Variants in STK32B observed in about 807,000 individuals in gnomAD.
The protein encoded by STK32B is serine/threonine-protein kinase 32B.
STK32B carries 43 observed loss-of-function variants against 52.6 expected under a neutral mutation model. The ratio of observed to expected loss-of-function variants is 0.82; its 90% CI spans 0.64 to 1.05. The LOEUF (loss-of-function observed/expected upper bound fraction) is 1.05. Ranked by LOEUF, STK32B falls within the 50% of genes least tolerant of loss-of-function variation. The probability of loss-of-function intolerance (pLI) is 0.00; values close to 1 mark genes in which losing one functional copy is unlikely to be tolerated. For synonymous variants in STK32B, 238 were observed against 204.3 expected, an observed-to-expected ratio of 1.17 and a Z score of -1.41; for missense variants, 621 against 534.6, an observed-to-expected ratio of 1.16 and a Z score of -1.59.
chr4:5,239,654 C>G (rs1232440905), intron 3 of STK32B, among the ~76,000 whole-genome samples: 1 of 152,050 alleles, frequency 6.6e-6, no homozygotes, highest in African/African-American at 2.4e-5. Context: ...CTCAGAAAGT[C>G]CAGAGGCATG....
intron 1 of STK32B, among the ~76,000 whole-genome samples, chr4:5,113,111 C>T (rs190939203): frequency 6.4e-4 from 97 of 152,152 alleles, no homozygotes; most frequent in Non-Finnish European, 3.7e-4. Context: ...AAACCTAATC[C>T]CCAATGTGAT....
chr4:5,118,782 C>G (rs1415946713), intron 1 of STK32B, among the ~76,000 whole-genome samples: 1 of 152,198 alleles, frequency 6.6e-6, no homozygotes. Flanking sequence ...CAGCACCGAT[C>G]CCATGTCTGA....
chr4:5,301,760 A>G (rs1241951693), intron 3 of STK32B, among the ~76,000 whole-genome samples: 2 of 91,608 alleles, frequency 2.2e-5, no homozygotes, highest in Admixed American at 9.9e-5. Flanking sequence ...TTTTTTTTTG[A>G]AAACTGTTAG....
chr4:5,492,803 C>G (rs1271619436), intron 11 of STK32B, among the ~76,000 whole-genome samples: 1 of 151,230 alleles, frequency 6.6e-6, no homozygotes, highest in Non-Finnish European at 1.5e-5. Context: ...TGAATTTTGT[C>G]AAAGGCCTTT....
chr4:5,495,323 A>G (rs1720128153), intron 11 of STK32B, among the ~76,000 whole-genome samples: 1 of 152,056 alleles, frequency 6.6e-6, no homozygotes, highest in Non-Finnish European at 1.5e-5. Context: ...CATTTCATTC[A>G]GTTCATGTTC....
chr4:5,220,599 G>A (rs1169491885), intron 3 of STK32B, among the ~76,000 whole-genome samples: 1 of 152,192 alleles, frequency 6.6e-6, no homozygotes, highest in African/African-American at 2.4e-5. Flanking sequence ...AATTGAGGCT[G>A]GAAAGGCAGG....
intron 1 of STK32B, among the ~76,000 whole-genome samples, chr4:5,090,917 T>TA (rs1713045467): frequency 6.6e-6 from 1 of 152,218 alleles, no homozygotes; most frequent in African/African-American, 2.4e-5. Flanking sequence ...TGCCAAAACT[T>TA]ATTTAAGGAC....
chr4:5,125,017 C>A (rs151017848), intron 1 of STK32B, among the ~76,000 whole-genome samples: 1 of 152,124 alleles, frequency 6.6e-6, no homozygotes, highest in South Asian at 2.1e-4. Flanking sequence ...AGATTTGAAG[C>A]GGAAGAGGGA....
chr4:5,347,277 G>A (rs980135658), intron 4 of STK32B, among the ~76,000 whole-genome samples: 3 of 152,204 alleles, frequency 2.0e-5, no homozygotes, highest in African/African-American at 7.2e-5. Context: ...CACCTTTGTT[G>A]TGAGTTCAGG....
chr4:5,031,985 T>C, the STK32B span, among the ~76,000 whole-genome samples: 2 of 152,212 alleles, frequency 1.3e-5, no homozygotes, highest in African/African-American at 4.8e-5. Flanking sequence ...ACTGTATGTT[T>C]TTTACCCTTT....
chr4:5,379,443 C>T (rs1219686857), intron 4 of STK32B, among the ~76,000 whole-genome samples: 1 of 152,108 alleles, frequency 6.6e-6, no homozygotes, highest in Non-Finnish European at 1.5e-5. Flanking sequence ...ACTCTGGTAC[C>T]CTACGGTCCA....
At chr4:5,179,721 TTTG>T (rs139073817) in intron 3 of STK32B, among the ~76,000 whole-genome samples, 3,800 of 152,310 alleles carry the variant, frequency 0.025, 155 homozygotes, top group African/African-American at 0.086. Flanking sequence ...CAGGAGTTAT[TTTG>T]TTATGAAGGA....
chr4:5,140,678 C>T (rs1481259096), intron 2 of STK32B, among the ~76,000 whole-genome samples: 1 of 152,174 alleles, frequency 6.6e-6, no homozygotes, highest in Non-Finnish European at 1.5e-5. Flanking sequence ...GCAGCCCATA[C>T]TGTTGATTAG....
intron 4 of STK32B, among the ~76,000 whole-genome samples, chr4:5,363,210 A>G (rs571959887): frequency 2.0e-5 from 3 of 152,392 alleles, no homozygotes; most frequent in South Asian, 4.1e-4. Flanking sequence ...TACAAATTTT[A>G]TAAATACATC....
intron 1 of STK32B, among the ~76,000 whole-genome samples, chr4:5,131,813 C>T (rs1715794724): frequency 6.6e-6 from 1 of 152,198 alleles, no homozygotes; most frequent in Admixed American, 6.5e-5. Flanking sequence ...GCAGCTCCTG[C>T]CCCCAACACA....
chr4:5,390,195 G>A (rs111848330), intron 4 of STK32B, among the ~76,000 whole-genome samples: 164 of 152,344 alleles, frequency 1.1e-3, no homozygotes, highest in African/African-American at 3.5e-3. Flanking sequence ...ATGGGTAGTT[G>A]TGAGGATTAC....
At chr4:5,368,353 G>A (rs1306144227) in intron 4 of STK32B, among the ~76,000 whole-genome samples, 1 of 127,688 alleles carries the variant, frequency 7.8e-6, no homozygotes, top group Non-Finnish European at 1.8e-5. Flanking sequence ...CTCACACAAC[G>A]TCATGAGTTA....
the STK32B span, among the ~76,000 whole-genome samples, chr4:5,032,711 G>T: frequency 6.6e-6 from 1 of 151,844 alleles, no homozygotes; most frequent in Non-Finnish European, 1.5e-5. Context: ...TCACATTGTT[G>T]TACAACCATC....
At chr4:5,161,901 T>C (rs1316255692) in intron 2 of STK32B, among the ~76,000 whole-genome samples, 1 of 152,066 alleles carries the variant, frequency 6.6e-6, no homozygotes, top group African/African-American at 2.4e-5. Context: ...ACCAGCATCT[T>C]TTAATGTCAC....
Sources: allele counts gnomAD v4.1 joint callset (sites outside exome capture counted in the v4.1 genomes callset), GRCh38; gene constraint gnomAD v4.1.1; transcripts MANE v1.5; gene names NCBI Gene and HGNC (gene_info 2026-07-23, HGNC 2026-07-21).